The following ZFAT variants were observed in gnomAD, a reference collection of about 807,000 sequenced individuals.
ZFAT encodes zinc finger protein ZFAT.
In ZFAT, 64 loss-of-function variants were observed where a neutral mutation model predicts 117.7. The ratio of observed to expected loss-of-function variants is 0.54; its 90% confidence interval spans 0.44 to 0.67. The LOEUF (loss-of-function observed/expected upper bound fraction) is 0.67. Ranked by LOEUF, ZFAT falls within the 30% of genes least tolerant of loss-of-function variation. The pLI is 0.00. For missense variants in ZFAT, 1,433 were observed against 1,584.5 expected (o/e 0.90, Z 1.62); for synonymous variants, 679 against 615.0 (o/e 1.10, Z -1.54).
At chr8:134,780,254 C>T in the ZFAT span, among the ~76,000 whole-genome samples, 1 of 152,148 alleles carries the variant, frequency 6.6e-6, no homozygotes, top group East Asian at 1.9e-4. Context: ...TGTCCTGGGA[C>T]CAAATGGTTG....
intron 1 of ZFAT, among the ~76,000 whole-genome samples, chr8:134,699,190 C>A (rs1402915239): frequency 6.6e-6 from 1 of 152,132 alleles, no homozygotes; most frequent in East Asian, 1.9e-4. Context: ...GAGAGCAGGT[C>A]AAACCCACCA....
chr8:134,824,415 T>C, the ZFAT span, among the ~76,000 whole-genome samples: 3 of 152,284 alleles, frequency 2.0e-5, no homozygotes, highest in South Asian at 6.2e-4. Flanking sequence ...ATGGTAACAA[T>C]AGAGGCTATC....
At chr8:134,766,991 T>G in the ZFAT span, 3 of 152,210 alleles carry the variant, frequency 2.0e-5, no homozygotes, top group African/African-American at 7.2e-5. Context: ...AGACTTTCCT[T>G]AAAACACTAT....
chr8:134,740,263 G>A, the ZFAT span, among the ~76,000 whole-genome samples: 9 of 152,158 alleles, frequency 5.9e-5, no homozygotes, highest in Non-Finnish European at 1.2e-4. Context: ...CATCTGAACT[G>A]AGCTCCTGAG....
At chr8:134,665,188 G>C (rs1406041105) in intron 1 of ZFAT, among the ~76,000 whole-genome samples, 3 of 152,202 alleles carry the variant, frequency 2.0e-5, no homozygotes, top group African/African-American at 7.2e-5. Context: ...AGGCCCTGAG[G>C]GGGAGACTGA....
chr8:134,773,825 CAGATG>C, the ZFAT span, among the ~76,000 whole-genome samples: 1 of 152,066 alleles, frequency 6.6e-6, no homozygotes. Flanking sequence ...AAAACTTGAA[CAGATG>C]AGGAGTTGCT....
chr8:134,600,022 G>T, intron 7 of ZFAT: 1 of 365,902 alleles, frequency 2.7e-6, no homozygotes, highest in South Asian at 2.1e-5. Context: ...CTCTTACTCT[G>T]AACCAAATAC....
chr8:134,706,627 G>A (rs1834158129), intron 1 of ZFAT, among the ~76,000 whole-genome samples: 1 of 152,144 alleles, frequency 6.6e-6, no homozygotes, highest in African/African-American at 2.4e-5. Flanking sequence ...GGGAGGAGGA[G>A]GTTGCAGTGA....
the ZFAT span, among the ~76,000 whole-genome samples, chr8:134,761,579 A>C: frequency 6.6e-6 from 1 of 152,010 alleles, no homozygotes; most frequent in Admixed American, 6.6e-5. Flanking sequence ...AAATGCCTGT[A>C]GTCCCAGCTA....
At chr8:134,636,544 A>T (rs1290816236) in intron 3 of ZFAT, among the ~76,000 whole-genome samples, 1 of 152,220 alleles carries the variant, frequency 6.6e-6, no homozygotes, top group Non-Finnish European at 1.5e-5. Flanking sequence ...TAAGTGCTGA[A>T]GCTGGAATGC....
the ZFAT span, among the ~76,000 whole-genome samples, chr8:134,831,698 C>A: frequency 6.6e-6 from 1 of 151,852 alleles, no homozygotes; most frequent in Non-Finnish European, 1.5e-5. Context: ...CGGGGAGGGG[C>A]CCACCTGCCT....
chr8:134,723,553 G>A, the ZFAT span: 5 of 152,368 alleles, frequency 3.3e-5, no homozygotes, highest in South Asian at 2.1e-4. Context: ...AATACTCTGC[G>A]ACTTAGAGAA....
the ZFAT span, among the ~76,000 whole-genome samples, chr8:134,745,105 GATTTGGTACA>G: frequency 1.3e-5 from 2 of 152,114 alleles, no homozygotes; most frequent in Admixed American, 1.3e-4. Flanking sequence ...TATGTCACCT[GATTTGGTACA>G]TCAATTATAT....
intron 1 of ZFAT, among the ~76,000 whole-genome samples, chr8:134,691,651 C>T (rs1313897877): frequency 6.6e-6 from 1 of 152,154 alleles, no homozygotes; most frequent in Non-Finnish European, 1.5e-5. Context: ...TCGTAAATCC[C>T]CTTCAATATT....
At chr8:134,579,582 C>T (rs1488210765) in intron 10 of ZFAT, among the ~76,000 whole-genome samples, 11 of 152,110 alleles carry the variant, frequency 7.2e-5, no homozygotes, top group East Asian at 1.9e-4. Flanking sequence ...GAGATTTGGG[C>T]GGAGACACAG....
Position 134,601,522 on chromosome 8 carries a change from C to G in ZFAT, c.2197G>C (p.Glu733Gln). The G allele has an allele frequency of 6.2e-7, 1 of 1,614,144 alleles. No individual in the cohort carries two copies. The change falls in exon 6 of 16, where the codon GAG (glutamate) becomes CAG (glutamine). Residue 733 changes from glutamate (E) to glutamine (Q), a missense_variant. Coordinates refer to ENST00000377838, the MANE Select transcript of ZFAT (RefSeq NM_020863.4). Reference protein sequence around the residue: ...QKKQMNTSLCERIRKVYGDLE... With the variant: ...QKKQMNTSLCQRIRKVYGDLE... The stretch of plus-strand genomic sequence containing the variant: ...TCTCCATAAACCTTCCGGATCCGCT[C>G]ACACAAGCTGGTGTTCATTTGCTTC...
At chr8:134,600,721 G>T in intron 6 of ZFAT, 53 bp from the exon 7 acceptor site, 1 of 1,383,508 alleles carries the variant, frequency 7.2e-7, no homozygotes, top group South Asian at 1.5e-5. Context: ...GACTGATTTT[G>T]AATTTTTTAA....
At chr8:134,808,326 G>A in the ZFAT span, among the ~76,000 whole-genome samples, 3 of 152,342 alleles carry the variant, frequency 2.0e-5, no homozygotes, top group South Asian at 4.1e-4. Flanking sequence ...GGAGACCAGA[G>A]ACTCAGCCTC....
intron 11 of ZFAT, among the ~76,000 whole-genome samples, chr8:134,543,507 C>T (rs1298606400): frequency 6.6e-6 from 1 of 152,282 alleles, no homozygotes; most frequent in Non-Finnish European, 1.5e-5. Context: ...AGGACAACTT[C>T]AGCACACAGG....
Sources: gnomAD v4.1 joint callset for allele counts (sites outside exome capture counted in the v4.1 genomes callset) on GRCh38, gnomAD v4.1.1 for gene constraint, MANE v1.5 for transcripts, NCBI Gene and HGNC (gene_info 2026-07-23, HGNC 2026-07-21) for gene names.